Variants in KBTBD11 observed in about 807,000 individuals in gnomAD.
KBTBD11 encodes kelch repeat and BTB domain-containing protein 11.
For synonymous variants in KBTBD11, 747 were observed against 499.0 expected (o/e 1.50, Z -6.63); for missense variants, 1,390 against 1,001.8 (o/e 1.39, Z -5.23).
chr8:1,976,836 G>C (rs1162124139), intron 1 of KBTBD11, among the ~76,000 whole-genome samples: 1 of 152,228 alleles, frequency 6.6e-6, no homozygotes, highest in African/African-American at 2.4e-5. Flanking sequence ...GGAGGGGACA[G>C]TTTGCGGGAA....
chr8:1,987,905 C>A (rs1467080336), intron 1 of KBTBD11, among the ~76,000 whole-genome samples: 1 of 152,074 alleles, frequency 6.6e-6, no homozygotes, highest in Non-Finnish European at 1.5e-5. Flanking sequence ...CCGACGGGCC[C>A]CGGTGTGTGA....
intron 1 of KBTBD11, among the ~76,000 whole-genome samples, chr8:1,986,000 C>T (rs1007819542): frequency 4.6e-5 from 7 of 152,230 alleles, no homozygotes; most frequent in Non-Finnish European, 1.0e-4. Context: ...CTGTCTCTTC[C>T]TGCTCACATA....
At chr8:1,993,958 C>CACACAAAAAAAAAA (rs1554527404) in intron 1 of KBTBD11, among the ~76,000 whole-genome samples, 3 of 148,244 alleles carry the variant, frequency 2.0e-5, no homozygotes, top group African/African-American at 7.5e-5. Context: ...CACACACACA[C>CACACAAAAAAAAAA]AAAACCCCAT....
Position 2,002,011 on chromosome 8 carries a change from C to T in KBTBD11, c.819C>T (p.Phe273=), listed in dbSNP as rs758511347. The T allele has an allele frequency of 1.4e-6, 2 of 1,414,472 alleles. No homozygotes were observed. The allele number at this position is 1,414,472 out of a possible 1,614,324, so 87.6% of individuals were successfully genotyped here. ...YLEVLREPAV[F]GRLSGAERDL... ...AGGTGCTGCGCGAGCCCGCCGTGTT[C>T]GGCCGCCTGTCGGGCGCAGAGCGGG... The change falls in exon 2 of 2, where the codon TTC becomes TTT. Residue 273 remains phenylalanine (F), a synonymous_variant. Coordinates refer to ENST00000320248, the MANE Select transcript of KBTBD11 (RefSeq NM_014867.3). The surrounding 1 kb of genome is among the most constrained non-coding windows in gnomAD (Gnocchi z 4.1).
rs1291960604 is a variant in KBTBD11 at position 2,002,144 on chromosome 8, G to T, written c.952G>T (p.Asp318Tyr). 3 of 1,172,824 alleles carry T rather than the reference G, an allele frequency of 2.6e-6. No homozygotes were observed. Among genetic ancestry groups the T allele is most frequent in the South Asian group, 3.8e-5 (1 of 26,520 alleles). The allele number at this position is 1,172,824 out of a possible 1,614,324, so 72.7% of individuals were successfully genotyped here. A position where few individuals can be genotyped will look rare whatever the true frequency, so the allele number is the denominator to read the frequency against. The part of the protein sequence containing the change: ...AGSRPQSPSG[D>Y]ADARGDAAVY... ...CAGCCGGCCTCAGAGCCCCTCGGGGGACGCGGACGCGCGCGGGGACGCGGC... is the reference window on the plus strand; with the variant it reads ...CAGCCGGCCTCAGAGCCCCTCGGGGTACGCGGACGCGCGCGGGGACGCGGC... Residue 318 changes from aspartate to tyrosine, a missense_variant, in exon 2 of 2, where the codon GAC becomes TAC. By Grantham distance (160) the Asp-to-Tyr change is radical. Transcript: ENST00000320248. The surrounding 1 kb of genome is among the most constrained non-coding windows in gnomAD (Gnocchi z 4.1).
intron 1 of KBTBD11, among the ~76,000 whole-genome samples, chr8:1,993,358 G>GGTCC (rs1816989515): frequency 1.3e-5 from 2 of 149,690 alleles, no homozygotes; most frequent in African/African-American, 5.0e-5. Context: ...TCCATCCATC[G>GGTCC]GTCCATCCGT....
At chr8:1,974,332 A>C (rs1816244710) in intron 1 of KBTBD11, 1 of 983,504 alleles carries the variant, frequency 1.0e-6, no homozygotes, top group Non-Finnish European at 1.2e-6. Context: ...GCCCGCAGTC[A>C]CCGCCCCCGC....
At chr8:1,986,492 A>C (rs893239607) in intron 1 of KBTBD11, among the ~76,000 whole-genome samples, 1 of 152,204 alleles carries the variant, frequency 6.6e-6, no homozygotes, top group Non-Finnish European at 1.5e-5. Context: ...GTAATCTTGG[A>C]CAAGTCTCTC....
Position 2,001,329 on chromosome 8 carries a change from G to A in KBTBD11, c.137G>A (p.Gly46Glu), listed in dbSNP as rs1311315300. The stretch of plus-strand genomic sequence containing the variant: ...GGCGCGTCCCTGTGCTTCAGCTCCG[G>A]GGAAGAGTCCCCGCCGCAGTCCCTC... ...SLGASLCFSS[G>E]EESPPQSLAS... The change falls in exon 2 of 2, where the codon GGG becomes GAG. Residue 46 changes from glycine (G) to glutamate (E), a missense_variant. By Grantham distance (98) the Gly-to-Glu change is moderately conservative. Coordinates refer to ENST00000320248, the MANE Select transcript of KBTBD11 (RefSeq NM_014867.3). The A allele has an allele frequency of 6.6e-7, 1 of 1,516,136 alleles. No individual in the cohort carries two copies. The allele number at this position is 1,516,136 out of a possible 1,614,324, so 93.9% of individuals were successfully genotyped here.
chr8:2,002,211 T>C lies in KBTBD11; in HGVS notation c.1019T>C (p.Leu340Pro). The change falls in exon 2 of 2, where the codon CTG becomes CCG. Residue 340 changes from leucine to proline, a missense_variant. Coordinates refer to ENST00000320248, the MANE Select transcript of KBTBD11 (RefSeq NM_014867.3). The surrounding 1 kb of genome is among the most constrained non-coding windows in gnomAD (Gnocchi z 4.1). ...FHAAAGEWRE[L>P]TRLPEGAPAR... ...GCGGCGGCCGGAGAGTGGCGCGAGC[T>C]GACGCGGCTGCCCGAGGGCGCGCCG... 1 of 1,261,270 alleles carries C rather than the reference T, an allele frequency of 7.9e-7. No homozygotes were observed. Among genetic ancestry groups the C allele is most frequent in the Non-Finnish European group, 9.9e-7 (1 of 1,007,386 alleles). 78.1% of individuals were successfully genotyped at this position (1,261,270 alleles called of 1,614,324 possible).
chr8:1,985,723 T>C (rs1816688996), intron 1 of KBTBD11, among the ~76,000 whole-genome samples: 1 of 152,088 alleles, frequency 6.6e-6, no homozygotes, highest in South Asian at 2.1e-4. Context: ...GCTTTGGGAG[T>C]CCCAGGCTGC....
chr8:2,004,307 T>C lies in KBTBD11; in HGVS notation c.*1243T>C, dbSNP rs1390928553. On this transcript the variant is annotated 3_prime_UTR_variant, in exon 2 of 2. Transcript: ENST00000320248. ...CAGTTGGGTCGTTTCTCATTTAACA[T>C]TTTACTTTTCAAGTGTGTATACAGA... The C allele has an allele frequency of 1.2e-5, 2 of 166,830 alleles. No homozygotes were observed. The highest frequency in any genetic ancestry group is 4.8e-5 in the African/African-American group (2 of 41,456). 10.3% of individuals were successfully genotyped at this position (166,830 alleles called of 1,614,324 possible). A position where few individuals can be genotyped will look rare whatever the true frequency, so the allele number is the denominator to read the frequency against.
intron 1 of KBTBD11, among the ~76,000 whole-genome samples, chr8:1,987,479 C>T (rs1323303157): frequency 2.0e-5 from 3 of 152,142 alleles, no homozygotes; most frequent in Non-Finnish European, 2.9e-5. Flanking sequence ...TTTCTTTAAA[C>T]GCCGTCAGCA....
In KBTBD11 at chr8:2,001,323, G is replaced by A. The variant is rs1330275519; in HGVS notation, c.131G>A (p.Ser44Asn). 3 of 1,517,914 alleles carry A rather than the reference G, an allele frequency of 2.0e-6. No individual in the cohort carries two copies. The highest frequency in any genetic ancestry group is 2.6e-6 in the Non-Finnish European group (3 of 1,140,846). 94.0% of individuals were successfully genotyped at this position (1,517,914 alleles called of 1,614,324 possible). The change falls in exon 2 of 2, where the codon AGC becomes AAC. Residue 44 changes from serine (S) to asparagine (N), a missense_variant. By Grantham distance (46) the Ser-to-Asn change is conservative. Coordinates refer to ENST00000320248, the MANE Select transcript of KBTBD11 (RefSeq NM_014867.3). Reference sequence around the variant, plus strand: ...AGTCTCGGCGCGTCCCTGTGCTTCAGCTCCGGGGAAGAGTCCCCGCCGCAG... The same window carrying A: ...AGTCTCGGCGCGTCCCTGTGCTTCAACTCCGGGGAAGAGTCCCCGCCGCAG... ...PCSLGASLCFSSGEESPPQSL... is the reference protein window; with the variant it reads ...PCSLGASLCFNSGEESPPQSL...
Position 1,973,866 on chromosome 8 carries a change from C to T in KBTBD11, c.-978C>T, listed in dbSNP as rs1585709183. ...CCACAGGTGCCGGGAAGCGGCCGCG[C>T]GCATGCGCCGGAGCCCACCCGCCTG... On this transcript the variant is annotated 5_prime_UTR_variant, in exon 1 of 2. Coordinates refer to ENST00000320248, the MANE Select transcript of KBTBD11 (RefSeq NM_014867.3). The T allele has an allele frequency of 4.1e-6, 4 of 982,830 alleles. No homozygotes were observed. In the South Asian group the frequency reaches 1.4e-4, roughly 35 times the overall value. 60.9% of individuals were successfully genotyped at this position (982,830 alleles called of 1,614,324 possible).
At chr8:1,994,738 G>C (rs1339578226) in intron 1 of KBTBD11, among the ~76,000 whole-genome samples, 4 of 152,144 alleles carry the variant, frequency 2.6e-5, no homozygotes, top group African/African-American at 9.7e-5. Flanking sequence ...AGTCCAGCTG[G>C]TCTCTTAGGA....
intron 1 of KBTBD11, among the ~76,000 whole-genome samples, chr8:1,981,660 A>C (rs758480201): frequency 6.6e-5 from 10 of 152,198 alleles, no homozygotes; most frequent in Non-Finnish European, 1.3e-4. Context: ...CAGATAGAAG[A>C]AAATGGCAGA....
chr8:1,978,761 T>C (rs576558291), intron 1 of KBTBD11, among the ~76,000 whole-genome samples: 4 of 151,962 alleles, frequency 2.6e-5, no homozygotes, highest in East Asian at 3.9e-4. Context: ...GTTTGGAAAA[T>C]AGAATCTGCT....
intron 1 of KBTBD11, among the ~76,000 whole-genome samples, chr8:1,991,745 AGAGAAGGTGCCCACCGGT>A (rs765366211): frequency 6.6e-6 from 1 of 151,798 alleles, no homozygotes; most frequent in Non-Finnish European, 1.5e-5. Context: ...ATGGAGTGGC[AGAGAAGGTGCCCACCGGT>A]GAGTGGGCCT....
Sources: gnomAD v4.1 joint callset for allele counts (sites outside exome capture counted in the v4.1 genomes callset) on GRCh38, gnomAD v4.1.1 for gene constraint, Gnocchi (gnomAD v3.1) non-coding constraint, MANE v1.5 for transcripts, NCBI Gene and HGNC (gene_info 2026-07-23, HGNC 2026-07-21) for gene names.